The following NCALD variants were observed in gnomAD, a reference collection of about 807,000 sequenced individuals.
The protein encoded by NCALD is neurocalcin delta.
A neutral mutation model predicts 18.6 loss-of-function variants in NCALD; 10 were observed. The observed-to-expected ratio is 0.54, with a 90% CI of 0.33 to 0.91. The LOEUF is 0.91. NCALD is among the 40% of genes least tolerant of loss of function. The pLI, the probability that NCALD is intolerant of heterozygous loss-of-function variation, is 0.03. For missense variants in NCALD, 184 were observed against 247.6 expected (o/e 0.74, Z 1.72); for synonymous variants, 88 against 87.4 (o/e 1.01, Z -0.04).
chr8:101,729,187 A>G (rs558361972), intron 1 of NCALD, among the ~76,000 whole-genome samples: 2 of 152,352 alleles, frequency 1.3e-5, no homozygotes, highest in East Asian at 3.9e-4. Context: ...TTTTTCTTCA[A>G]TGGAACCAGT....
chr8:101,786,502 A>G (rs1812234283), intron 1 of NCALD, among the ~76,000 whole-genome samples: 1 of 152,158 alleles, frequency 6.6e-6, no homozygotes. Context: ...CGATATTGTA[A>G]ATATGGTCGT....
In NCALD at chr8:102,047,448, C is replaced by G. The variant is rs192472154; in HGVS notation, c.-209-27159G>C. Among the ~76,000 whole-genome samples the G allele has an allele frequency of 7.0e-4, 107 of 152,274 alleles. 1 individual carries two copies. Among genetic ancestry groups the G allele is most frequent in the African/African-American group, 2.5e-3 (102 of 41,534 alleles). Reference sequence around the variant, plus strand: ...ATGAAAAGGTTCTATATTTTCACCGCCTGGTATGGTAGCCGCTAGCCATGT... The same window carrying G: ...ATGAAAAGGTTCTATATTTTCACCGGCTGGTATGGTAGCCGCTAGCCATGT... On this transcript the variant is annotated intron_variant, in intron 1 of 6. Transcript: ENST00000311028.
chr8:101,784,369 C>A (rs577618146), intron 1 of NCALD, among the ~76,000 whole-genome samples: 3 of 152,080 alleles, frequency 2.0e-5, no homozygotes, highest in Non-Finnish European at 2.9e-5. Flanking sequence ...AAATTGTATT[C>A]TTTTTATGAT....
At chr8:101,761,406 G>C (rs748329934) in intron 1 of NCALD, among the ~76,000 whole-genome samples, 2 of 152,166 alleles carry the variant, frequency 1.3e-5, no homozygotes, top group Non-Finnish European at 2.9e-5. Flanking sequence ...AGCATGGGGA[G>C]AACCCACTTA....
intron 1 of NCALD, among the ~76,000 whole-genome samples, chr8:102,101,474 G>A (rs1422691531): frequency 2.0e-5 from 3 of 152,348 alleles, no homozygotes; most frequent in South Asian, 2.1e-4. Flanking sequence ...GCAGAAAGCC[G>A]AGTCCTAACA....
At chr8:102,016,064 C>T (rs767755431) in intron 2 of NCALD, among the ~76,000 whole-genome samples, 1 of 152,040 alleles carries the variant, frequency 6.6e-6, no homozygotes, top group African/African-American at 2.4e-5. Flanking sequence ...GGTAGAGAAC[C>T]AAAACATCTT....
chr8:101,909,850 C>T (rs549006819), intron 3 of NCALD, among the ~76,000 whole-genome samples: 10 of 152,114 alleles, frequency 6.6e-5, no homozygotes, highest in Non-Finnish European at 1.5e-4. Context: ...ATTGACATTT[C>T]CGTTTTTTAA....
At chr8:101,792,671 C>G (rs1429801195), upstream of NCALD, among the ~76,000 whole-genome samples, 2 of 152,180 alleles carry the variant, frequency 1.3e-5, no homozygotes, top group African/African-American at 4.8e-5. Flanking sequence ...AAATGCACAT[C>G]ATACAAATGA....
intron 1 of NCALD, among the ~76,000 whole-genome samples, chr8:102,035,887 T>C (rs11777589): frequency 0.33 from 50,546 of 151,958 alleles, 9,007 homozygotes; most frequent in African/African-American, 0.43. Context: ...ACTAACTGCA[T>C]ATGTTACTTA....
intron 1 of NCALD, among the ~76,000 whole-genome samples, chr8:102,114,685 C>G (rs945616027): frequency 2.8e-4 from 42 of 152,302 alleles, no homozygotes; most frequent in African/African-American, 9.4e-4. Flanking sequence ...CTACCTCACT[C>G]TCCTCCCACC....
chr8:101,909,653 T>A (rs1376103422), intron 3 of NCALD, among the ~76,000 whole-genome samples: 6 of 152,182 alleles, frequency 3.9e-5, no homozygotes, highest in Non-Finnish European at 4.4e-5. Flanking sequence ...AAAATGAGCC[T>A]CTGAAATTTT....
chr8:101,929,978 C>T (rs1818512936), intron 2 of NCALD, among the ~76,000 whole-genome samples: 1 of 152,012 alleles, frequency 6.6e-6, no homozygotes. Context: ...TCACTTGAGC[C>T]TGGGAGATGG....
upstream of NCALD, among the ~76,000 whole-genome samples, chr8:101,793,260 G>A (rs1379622267): frequency 6.6e-6 from 1 of 151,860 alleles, no homozygotes; most frequent in Non-Finnish European, 1.5e-5. Context: ...TGAGGCAGGA[G>A]GATCGCTTGA....
intron 1 of NCALD, among the ~76,000 whole-genome samples, chr8:102,030,661 A>C (rs567785308): frequency 1.3e-5 from 2 of 152,264 alleles, no homozygotes; most frequent in Non-Finnish European, 1.5e-5. Flanking sequence ...GGATCACTTG[A>C]GGTCAGGAAT....
intron 4 of NCALD, among the ~76,000 whole-genome samples, chr8:101,841,995 A>G (rs1320341513): frequency 6.6e-6 from 1 of 152,222 alleles, no homozygotes; most frequent in East Asian, 1.9e-4. Context: ...CTAAGTGGCT[A>G]AAGCAACAGA....
At chr8:101,873,330 C>T (rs1018148805) in intron 4 of NCALD, among the ~76,000 whole-genome samples, 4 of 152,202 alleles carry the variant, frequency 2.6e-5, no homozygotes, top group African/African-American at 4.8e-5. Context: ...ACACTCAAGG[C>T]GGTGAAAGCT....
intron 2 of NCALD, among the ~76,000 whole-genome samples, chr8:101,704,349 C>T (rs568073807): frequency 6.6e-6 from 1 of 152,150 alleles, no homozygotes; most frequent in East Asian, 1.9e-4. Context: ...TGGAGATCAA[C>T]AACAGAGTTA....
intron 2 of NCALD, among the ~76,000 whole-genome samples, chr8:101,972,020 A>G (rs1363566512): frequency 6.6e-6 from 1 of 152,206 alleles, no homozygotes; most frequent in Non-Finnish European, 1.5e-5. Flanking sequence ...GGACCTGAAC[A>G]GCCTTTCCAT....
chr8:101,937,978 T>C (rs962967752), intron 2 of NCALD, among the ~76,000 whole-genome samples: 3 of 152,244 alleles, frequency 2.0e-5, no homozygotes, highest in Non-Finnish European at 2.9e-5. Flanking sequence ...CATAGGTTAC[T>C]ATGAAAGACT....
Sources: allele counts gnomAD v4.1 joint callset (sites outside exome capture counted in the v4.1 genomes callset), GRCh38; gene constraint gnomAD v4.1.1; transcripts MANE v1.5; gene names NCBI Gene and HGNC (gene_info 2026-07-23, HGNC 2026-07-21).